RNF220: variants seen among roughly 807,000 people sequenced by gnomAD.
RNF220 encodes ring finger protein 220, also known as E3 ubiquitin-protein ligase RNF220.
Under a neutral mutation model 67.1 loss-of-function variants are expected in RNF220, and 7 were observed. The observed-to-expected ratio is 0.10, with a 90% CI of 0.06 to 0.20. The LOEUF (loss-of-function observed/expected upper bound fraction) is 0.20. Among genes scored for constraint, RNF220 ranks in the 10% least tolerant of loss-of-function variants. The pLI is 1.00. For synonymous variants in RNF220, 270 were observed against 283.2 expected, an observed-to-expected ratio of 0.95 and a Z score of 0.47; for missense variants, 565 against 740.3, an observed-to-expected ratio of 0.76 and a Z score of 2.75.
chr1:44,481,566 G>C (rs1290933755), intron 2 of RNF220, among the ~76,000 whole-genome samples: 1 of 152,164 alleles, frequency 6.6e-6, no homozygotes, highest in Non-Finnish European at 1.5e-5. Flanking sequence ...GGGGTACTTA[G>C]AGGATGGGTC....
At chr1:44,549,737 G>A (rs147478370) in intron 2 of RNF220, among the ~76,000 whole-genome samples, 53 of 152,306 alleles carry the variant, frequency 3.5e-4, no homozygotes, top group African/African-American at 1.3e-3. Flanking sequence ...TGTTCACCAC[G>A]TTAGGTAAAC....
chr1:44,589,562 T>C (rs547677257), intron 2 of RNF220, among the ~76,000 whole-genome samples: 11 of 87,156 alleles, frequency 1.3e-4, no homozygotes, highest in Admixed American at 2.2e-4. Flanking sequence ...TGCAGTGAGC[T>C]GAGATCATGC....
chr1:44,589,815 A>G (rs538697851), intron 2 of RNF220, among the ~76,000 whole-genome samples: 2 of 152,266 alleles, frequency 1.3e-5, no homozygotes, highest in East Asian at 3.9e-4. Flanking sequence ...ATATATGTTT[A>G]TAAACAACAC....
At chr1:44,472,018 G>A (rs923788710) in intron 2 of RNF220, among the ~76,000 whole-genome samples, 40 of 147,396 alleles carry the variant, frequency 2.7e-4, no homozygotes, top group African/African-American at 1.0e-3. Flanking sequence ...ATGTTGTCAA[G>A]TTTTACTACT....
intron 4 of RNF220, among the ~76,000 whole-genome samples, chr1:44,623,957 C>A (rs920172667): frequency 6.6e-6 from 1 of 152,196 alleles, no homozygotes; most frequent in African/African-American, 2.4e-5. Flanking sequence ...GGGAAAGGAG[C>A]CAGAGTGACA....
intron 2 of RNF220, among the ~76,000 whole-genome samples, chr1:44,539,176 G>T (rs879264709): frequency 6.6e-6 from 1 of 151,422 alleles, no homozygotes; most frequent in East Asian, 1.9e-4. Context: ...AGCCAAGATC[G>T]CACCACTGCA....
intron 2 of RNF220, among the ~76,000 whole-genome samples, chr1:44,451,043 C>T (rs1443192095): frequency 3.3e-5 from 5 of 152,156 alleles, no homozygotes; most frequent in East Asian, 1.9e-4. Flanking sequence ...ATTAGCGGGG[C>T]GTGGTGGCGG....
chr1:44,436,039 C>T (rs1200448354), intron 2 of RNF220, among the ~76,000 whole-genome samples: 2 of 152,176 alleles, frequency 1.3e-5, no homozygotes, highest in Non-Finnish European at 2.9e-5. Context: ...AAATCCCTCT[C>T]CTTCCATTTC....
At chr1:44,557,194 T>A (rs1006347746) in intron 2 of RNF220, among the ~76,000 whole-genome samples, 2 of 140,992 alleles carry the variant, frequency 1.4e-5, no homozygotes, top group African/African-American at 5.7e-5. Context: ...TAATATATAT[T>A]TTATATATAT....
intron 2 of RNF220, among the ~76,000 whole-genome samples, chr1:44,593,508 T>C (rs1370257308): frequency 2.0e-5 from 3 of 152,160 alleles, no homozygotes; most frequent in African/African-American, 7.2e-5. Flanking sequence ...GAGGATCGCT[T>C]GAGCCCAAGA....
chr1:44,635,917 G>C lies in RNF220; in HGVS notation c.994-113G>C. On this transcript the variant is annotated intron_variant, in intron 7 of 14. Transcript: ENST00000361799. ...TTTGCTTCAAAGGAGCCCTAGAGCT[G>C]AGGGCCCACTTGGCACACCACAGCT... 5 of 1,546,140 alleles carry C rather than the reference G, an allele frequency of 3.2e-6. No individual in the cohort carries two copies. In the South Asian group the frequency reaches 5.9e-5, roughly 18 times the overall value.
intron 2 of RNF220, among the ~76,000 whole-genome samples, chr1:44,598,357 C>T (rs751204918): frequency 3.9e-5 from 6 of 152,204 alleles, no homozygotes; most frequent in Non-Finnish European, 7.3e-5. Flanking sequence ...GTGACAATAG[C>T]CCATCTTGGT....
rs373145268 is a variant in RNF220, at chr1:44,649,667, C to T, written c.1452C>T (p.Thr484=). 7 of 1,613,872 alleles carry T rather than the reference C, an allele frequency of 4.3e-6. No individual in the cohort carries two copies. Among genetic ancestry groups the T allele is most frequent in the Middle Eastern group, 1.7e-4 (1 of 6,058 alleles). Residue 484 remains threonine, a synonymous_variant, in exon 13 of 15, where the codon ACC becomes ACT. Transcript: ENST00000361799. This position sits in a 1 kb window ranked among gnomAD's most constrained non-coding sequence, Gnocchi z 5.9. The part of the protein sequence containing the change: ...TCKNSDIEKI[T]EDSAVTTFEA... ...CATGCCTTCCTTTTTACAGAATCAC[C>T]GAAGATTCAGCTGTGACCACGTTTG...
At chr1:44,537,743 G>A (rs958870355) in intron 2 of RNF220, among the ~76,000 whole-genome samples, 2 of 152,064 alleles carry the variant, frequency 1.3e-5, no homozygotes, top group Admixed American at 6.6e-5. Flanking sequence ...GACCCACCTC[G>A]CCCTAGTCAC....
intron 2 of RNF220, among the ~76,000 whole-genome samples, chr1:44,524,963 G>GA (rs1357478954): frequency 1.3e-5 from 2 of 150,442 alleles, no homozygotes; most frequent in Admixed American, 6.6e-5. Flanking sequence ...TTCAGCTGGT[G>GA]AAAAAAAGGA....
intron 2 of RNF220, among the ~76,000 whole-genome samples, chr1:44,523,302 G>A (rs762308956): frequency 6.6e-6 from 1 of 152,134 alleles, no homozygotes; most frequent in Admixed American, 6.5e-5. Flanking sequence ...AGGCTGCCCC[G>A]GGGAAGGGTC....
At chr1:44,461,924 GTTTTTT>G (rs201661366) in intron 2 of RNF220, among the ~76,000 whole-genome samples, 1 of 123,560 alleles carries the variant, frequency 8.1e-6, no homozygotes, top group Non-Finnish European at 1.7e-5. Flanking sequence ...TTTTTTCTTT[GTTTTTT>G]TTTTTTTTTT....
chr1:44,469,578 T>TTCAC (rs984695380), intron 2 of RNF220, among the ~76,000 whole-genome samples: 1 of 152,126 alleles, frequency 6.6e-6, no homozygotes, highest in Non-Finnish European at 1.5e-5. Flanking sequence ...CATTCATTCA[T>TTCAC]TCACTAAATA....
At chr1:44,480,421 A>ATTAC (rs553731415) in intron 2 of RNF220, among the ~76,000 whole-genome samples, 29 of 151,648 alleles carry the variant, frequency 1.9e-4, no homozygotes, top group Non-Finnish European at 4.0e-4. Flanking sequence ...TAATTAATTA[A>ATTAC]TTAATTAAGT....
Sources: allele counts gnomAD v4.1 joint callset (sites outside exome capture counted in the v4.1 genomes callset), GRCh38; gene constraint gnomAD v4.1.1; non-coding constraint Gnocchi (gnomAD v3.1); transcripts MANE v1.5; gene names NCBI Gene and HGNC (gene_info 2026-07-23, HGNC 2026-07-21).